The following TACR1 variants were observed in gnomAD, a reference collection of about 807,000 sequenced individuals.
TACR1 encodes the protein substance-P receptor.
Under a neutral mutation model 35.8 loss-of-function variants are expected in TACR1, and 25 were observed. That is an observed-to-expected ratio of 0.70 (90% CI 0.51 to 0.98). The LOEUF is 0.98. Among genes scored for constraint, TACR1 ranks in the 50% least tolerant of loss-of-function variants. The pLI is 0.00. For synonymous variants in TACR1, 195 were observed against 206.7 expected (o/e 0.94, Z 0.48); for missense variants, 478 against 522.9 (o/e 0.91, Z 0.84).
intron 1 of TACR1, chr2:75,187,604 G>A (rs1465200856): frequency 6.6e-6 from 1 of 152,184 alleles, no homozygotes; most frequent in African/African-American, 2.4e-5. Context: ...CTTGGAGGTA[G>A]AAAGACGTCC....
intron 2 of TACR1, among the ~76,000 whole-genome samples, chr2:75,097,507 T>C (rs1673446764): frequency 6.6e-6 from 1 of 152,138 alleles, no homozygotes; most frequent in Non-Finnish European, 1.5e-5. Context: ...ACAACCTGGA[T>C]CTTTTTAAAT....
chr2:75,122,442 C>G (rs936706200), intron 1 of TACR1, among the ~76,000 whole-genome samples: 1 of 152,194 alleles, frequency 6.6e-6, no homozygotes, highest in African/African-American at 2.4e-5. Context: ...ATTTCCCTCT[C>G]TGGTCTGTAA....
chr2:75,176,411 G>A (rs1391216826), intron 1 of TACR1, among the ~76,000 whole-genome samples: 3 of 150,606 alleles, frequency 2.0e-5, no homozygotes, highest in Middle Eastern at 3.2e-3. Flanking sequence ...TCTTCTCCAC[G>A]CCAACACTAT....
At chr2:75,064,676 T>C (rs1184561845) in intron 2 of TACR1, among the ~76,000 whole-genome samples, 1 of 152,226 alleles carries the variant, frequency 6.6e-6, no homozygotes, top group South Asian at 2.1e-4. Context: ...CTCAATGCAT[T>C]GTAAAGAACA....
intron 1 of TACR1, among the ~76,000 whole-genome samples, chr2:75,134,308 C>A (rs1239285672): frequency 6.6e-6 from 1 of 152,182 alleles, no homozygotes; most frequent in Non-Finnish European, 1.5e-5. Flanking sequence ...GGTAACACAT[C>A]CATACTTTTT....
intron 1 of TACR1, among the ~76,000 whole-genome samples, chr2:75,195,081 T>C (rs1675933702): frequency 1.3e-5 from 2 of 152,124 alleles, no homozygotes; most frequent in Admixed American, 6.6e-5. Flanking sequence ...CCTCTCTGTG[T>C]CCCCCATCTT....
chr2:75,086,246 A>AG lies in TACR1; in HGVS notation c.585-32492dup, dbSNP rs149052615. Among the ~76,000 whole-genome samples the AG allele has an allele frequency of 5.6e-3, 849 of 152,344 alleles. 41 individuals are homozygous for AG. In the East Asian group the frequency reaches 0.094, roughly 17 times the overall value. ...CTGGGGAGACTGAGAGCATAGCCCT[A>AG]GGCTATGCATGTCAAGTCTAGACAT... On this transcript the variant is annotated intron_variant, in intron 2 of 4. Transcript: ENST00000305249.
intron 3 of TACR1, among the ~76,000 whole-genome samples, chr2:75,053,004 A>C (rs1000114214): frequency 6.6e-6 from 1 of 152,166 alleles, no homozygotes; most frequent in East Asian, 1.9e-4. Flanking sequence ...CTGACCATTC[A>C]TCAAACTACT....
chr2:75,109,433 T>G (rs1673709317), intron 2 of TACR1, among the ~76,000 whole-genome samples: 1 of 152,202 alleles, frequency 6.6e-6, no homozygotes, highest in South Asian at 2.1e-4. Context: ...GGAATCTATT[T>G]TAACTCTCCA....
intron 2 of TACR1, among the ~76,000 whole-genome samples, chr2:75,097,844 C>G (rs966923718): frequency 6.6e-6 from 1 of 152,142 alleles, no homozygotes; most frequent in Admixed American, 6.5e-5. Flanking sequence ...TTACCTGTTC[C>G]TGGTGGTAGT....
chr2:75,170,917 T>A (rs1376413386), intron 1 of TACR1, among the ~76,000 whole-genome samples: 1 of 152,172 alleles, frequency 6.6e-6, no homozygotes. Flanking sequence ...TGGTTTGGAA[T>A]TGGAACTTAT....
At chr2:75,102,287 C>T (rs1490521649) in intron 2 of TACR1, among the ~76,000 whole-genome samples, 1 of 152,204 alleles carries the variant, frequency 6.6e-6, no homozygotes. Flanking sequence ...TTCAGTTGAG[C>T]TGGCACAAAC....
chr2:75,159,655 A>G lies in TACR1; in HGVS notation c.390-38887T>C, dbSNP rs191613747. On this transcript the variant is annotated intron_variant, in intron 1 of 4. Transcript: ENST00000305249. ...AGCAGAGAAAGGAAAGCTAGCCCCA[A>G]TTTGACTTCTAGAATAATAGAGCCA... Among the ~76,000 whole-genome samples the G allele has an allele frequency of 3.7e-3, 557 of 152,306 alleles. 2 individuals carry two copies. The highest frequency in any genetic ancestry group is 5.9e-3 in the Non-Finnish European group (399 of 68,018).
intron 1 of TACR1, among the ~76,000 whole-genome samples, chr2:75,141,397 T>A (rs1674399215): frequency 6.6e-6 from 1 of 152,170 alleles, no homozygotes; most frequent in Non-Finnish European, 1.5e-5. Context: ...CTTACAACTT[T>A]ATTTAACAGC....
At chr2:75,181,775 A>G (rs1675564315) in intron 1 of TACR1, among the ~76,000 whole-genome samples, 2 of 152,208 alleles carry the variant, frequency 1.3e-5, no homozygotes, top group Admixed American at 6.5e-5. Context: ...GAAAGTATAA[A>G]TAAAAAGTAT....
chr2:75,079,053 C>T (rs1361149797), intron 2 of TACR1, among the ~76,000 whole-genome samples: 1 of 152,158 alleles, frequency 6.6e-6, no homozygotes, highest in Non-Finnish European at 1.5e-5. Flanking sequence ...GGGGAGCTCA[C>T]CACCTCACCA....
Position 75,049,535 on chromosome 2 carries a change from T to C in TACR1, c.1121A>G (p.Lys374Arg). The C allele has an allele frequency of 6.2e-7, 1 of 1,614,182 alleles. No homozygotes were observed. Reference protein sequence around the residue: ...AHEEEPEDGPKATPSSLDLTS... With the variant: ...AHEEEPEDGPRATPSSLDLTS... Reference sequence around the variant, plus strand: ...CAGGTCCAGGGACGAGGGTGTGGCCTTGGGGCCGTCCTCTGGCTCCTCCTC... The same window carrying C: ...CAGGTCCAGGGACGAGGGTGTGGCCCTGGGGCCGTCCTCTGGCTCCTCCTC... The change falls in exon 5 of 5, where the codon AAG (lysine) becomes AGG (arginine). Residue 374 changes from lysine to arginine, a missense_variant. Transcript: ENST00000305249.
intron 2 of TACR1, among the ~76,000 whole-genome samples, chr2:75,100,357 T>G (rs775320391): frequency 1.3e-5 from 2 of 152,204 alleles, no homozygotes; most frequent in Non-Finnish European, 2.9e-5. Context: ...TTAAATTTAG[T>G]TTCTTTGGCA....
chr2:75,196,301 G>C (rs1312808342), intron 1 of TACR1, among the ~76,000 whole-genome samples: 1 of 152,116 alleles, frequency 6.6e-6, no homozygotes, highest in African/African-American at 2.4e-5. Flanking sequence ...TATATTCATT[G>C]GAAGGCCTGA....
Sources: allele counts gnomAD v4.1 joint callset (sites outside exome capture counted in the v4.1 genomes callset), GRCh38; gene constraint gnomAD v4.1.1; transcripts MANE v1.5; gene names NCBI Gene and HGNC (gene_info 2026-07-23, HGNC 2026-07-21).